Variants in PRKAG2 observed in about 807,000 individuals in gnomAD.
The protein encoded by PRKAG2 is protein kinase AMP-activated non-catalytic subunit gamma 2.
PRKAG2 carries 26 observed loss-of-function variants against 69.6 expected under a neutral mutation model. The ratio of observed to expected loss-of-function variants is 0.37; its 90% CI spans 0.27 to 0.52. The LOEUF (loss-of-function observed/expected upper bound fraction) is 0.52. Among genes scored for constraint, PRKAG2 ranks in the 20% least tolerant of loss-of-function variants. PRKAG2 has a pLI of 0.90. For synonymous variants in PRKAG2, 293 were observed against 285.0 expected (o/e 1.03, Z -0.28); for missense variants, 557 against 740.0 (o/e 0.75, Z 2.87).
chr7:151,817,139 T>C (rs1256332326), intron 1 of PRKAG2, among the ~76,000 whole-genome samples: 2 of 152,132 alleles, frequency 1.3e-5, no homozygotes, highest in Admixed American at 6.5e-5. Context: ...TCCACTGCAC[T>C]CCGCATGCAG....
intron 5 of PRKAG2, among the ~76,000 whole-genome samples, chr7:151,626,307 AC>A (rs1822891944): frequency 6.6e-6 from 1 of 152,230 alleles, no homozygotes; most frequent in Non-Finnish European, 1.5e-5. Context: ...AGTCGGAGAC[AC>A]CACCAAATGT....
At chr7:151,865,114 A>G (rs1226383239) in intron 1 of PRKAG2, among the ~76,000 whole-genome samples, 1 of 152,244 alleles carries the variant, frequency 6.6e-6, no homozygotes, top group African/African-American at 2.4e-5. Context: ...TTCCATCCAC[A>G]GGCAGAGTCT....
At chr7:151,845,113 C>T (rs760304626) in intron 1 of PRKAG2, among the ~76,000 whole-genome samples, 8 of 151,600 alleles carry the variant, frequency 5.3e-5, no homozygotes, top group Non-Finnish European at 7.3e-5. Flanking sequence ...CACATCTCAA[C>T]CCCACAGTTC....
At chr7:151,730,762 A>T (rs530304540) in intron 3 of PRKAG2, among the ~76,000 whole-genome samples, 5 of 152,202 alleles carry the variant, frequency 3.3e-5, no homozygotes, top group Non-Finnish European at 7.4e-5. Context: ...CCACAGGGCC[A>T]TACTCAGCCA....
intron 3 of PRKAG2, among the ~76,000 whole-genome samples, chr7:151,703,848 ACACACACAC>A: frequency 4.7e-5 from 1 of 21,310 alleles, no homozygotes; most frequent in East Asian, 1.1e-3. Flanking sequence ...ACTGGAAAAC[ACACACACAC>A]ACACACACAC....
At chr7:151,597,000 G>A (rs1156526573) in intron 5 of PRKAG2, among the ~76,000 whole-genome samples, 1 of 152,074 alleles carries the variant, frequency 6.6e-6, no homozygotes, top group Non-Finnish European at 1.5e-5. Flanking sequence ...GAACAAAGCT[G>A]AAGATATCAC....
At chr7:151,569,767 A>T (rs1428664641) in intron 10 of PRKAG2, among the ~76,000 whole-genome samples, 1 of 152,206 alleles carries the variant, frequency 6.6e-6, no homozygotes. Context: ...CTCTCACCAC[A>T]TCTGAACCGA....
At chr7:151,678,441 G>A (rs990423079) in intron 3 of PRKAG2, among the ~76,000 whole-genome samples, 8 of 152,270 alleles carry the variant, frequency 5.3e-5, no homozygotes, top group African/African-American at 1.7e-4. Flanking sequence ...AGAGTGGGGC[G>A]CATGTTTTGT....
Position 151,717,964 on chromosome 7 carries a change from C to T in PRKAG2, c.467-42327G>A, listed in dbSNP as rs551924008. Among the ~76,000 whole-genome samples the T allele has an allele frequency of 2.6e-5, 4 of 152,306 alleles. No homozygotes were observed. The South Asian group carries it at 8.3e-4, about 32-fold the overall frequency. On this transcript the variant is annotated intron_variant, in intron 3 of 15. Transcript: ENST00000287878. ...TTTCTGCCCACGCAGCATCTTTTTA[C>T]ACCTCCTCTATGCCTGACCTTGGGA...
At position 151,753,379 on chromosome 7, in the gene PRKAG2, G is replaced by A. The variant is rs563836885; in HGVS notation, c.466+27773C>T. On this transcript the variant is annotated intron_variant, in intron 3 of 15. Coordinates refer to ENST00000287878, the MANE Select transcript of PRKAG2 (RefSeq NM_016203.4). The stretch of plus-strand genomic sequence containing the variant: ...TGAAACATCCACTGAAATATTTAGG[G>A]GTAAAGGGATATGATGTCTGCAAAT... 1.6e-3 allele frequency among the ~76,000 whole-genome samples: 238 copies of A among 152,230 alleles called. 2 individuals are homozygous for A. The highest frequency in any genetic ancestry group is 2.6e-3 in the Non-Finnish European group (179 of 68,028).
rs374837964 is a variant in PRKAG2 at position 151,583,698 on chromosome 7, C to T, written c.865-7246G>A. Among the ~76,000 whole-genome samples the T allele has an allele frequency of 5.3e-5, 8 of 152,122 alleles. No homozygotes were observed. The highest frequency in any genetic ancestry group is 1.9e-4 in the African/African-American group (8 of 41,408). ...AGAAACCGCTCAGGGATCTTGAGTA[C>T]CTTTGAAAATTTCTTTCCTTTTAAC... On this transcript the variant is annotated intron_variant, in intron 6 of 15. Coordinates refer to ENST00000287878, the MANE Select transcript of PRKAG2 (RefSeq NM_016203.4). This position sits in a 1 kb window ranked among gnomAD's most constrained non-coding sequence, Gnocchi z 4.1.
At chr7:151,656,856 G>T (rs1829495263) in intron 4 of PRKAG2, among the ~76,000 whole-genome samples, 5 of 152,166 alleles carry the variant, frequency 3.3e-5, no homozygotes, top group Non-Finnish European at 7.3e-5. Flanking sequence ...GCATATTTAG[G>T]CCAGGCTCGG....
intron 3 of PRKAG2, among the ~76,000 whole-genome samples, chr7:151,757,967 T>C (rs183437055): frequency 4.5e-4 from 68 of 152,384 alleles, no homozygotes; most frequent in African/African-American, 1.6e-3. Flanking sequence ...ACTGCTGCGA[T>C]GAAGCCCTGC....
intron 1 of PRKAG2, among the ~76,000 whole-genome samples, chr7:151,872,925 C>T (rs2080254384): frequency 6.6e-6 from 1 of 152,256 alleles, no homozygotes. Context: ...GTCTTCAAGG[C>T]AGCATTGCCA....
intron 1 of PRKAG2, among the ~76,000 whole-genome samples, chr7:151,867,224 T>TG (rs902074023): frequency 6.6e-6 from 1 of 152,186 alleles, no homozygotes; most frequent in African/African-American, 2.4e-5. Context: ...GTGGCTGCGC[T>TG]GTGCTTTGAG....
chr7:151,661,333 G>A (rs1352056231), intron 4 of PRKAG2, among the ~76,000 whole-genome samples: 4 of 152,138 alleles, frequency 2.6e-5, no homozygotes, highest in South Asian at 2.1e-4. Flanking sequence ...ACAAGCCACC[G>A]CACCCGGCTA....
chr7:151,748,764 CTAAAA>C (rs1016445472), intron 3 of PRKAG2, among the ~76,000 whole-genome samples: 1 of 152,092 alleles, frequency 6.6e-6, no homozygotes, highest in Non-Finnish European at 1.5e-5. Context: ...TTGGCAAAAG[CTAAAA>C]TAAAAATAAA....
At chr7:151,640,046 C>T (rs1423075442) in intron 4 of PRKAG2, among the ~76,000 whole-genome samples, 1 of 152,140 alleles carries the variant, frequency 6.6e-6, no homozygotes, top group Non-Finnish European at 1.5e-5. Flanking sequence ...CACAGTGGCT[C>T]ACATGTGTAA....
intron 1 of PRKAG2, among the ~76,000 whole-genome samples, chr7:151,838,875 C>T (rs921677964): frequency 3.3e-5 from 5 of 151,782 alleles, no homozygotes; most frequent in Admixed American, 6.6e-5. Context: ...ATTAGCCAGG[C>T]GTGTTGGCTC....
Sources: allele counts gnomAD v4.1 joint callset (sites outside exome capture counted in the v4.1 genomes callset), GRCh38; gene constraint gnomAD v4.1.1; non-coding constraint Gnocchi (gnomAD v3.1); transcripts MANE v1.5; gene names NCBI Gene and HGNC (gene_info 2026-07-23, HGNC 2026-07-21).